KCNU1: variants seen among roughly 807,000 people sequenced by gnomAD.
The protein encoded by KCNU1 is potassium calcium-activated channel subfamily U member 1.
Under a neutral mutation model 126.8 loss-of-function variants are expected in KCNU1, and 93 were observed. The observed-to-expected ratio is 0.73, with a 90% CI of 0.62 to 0.87. The LOEUF is 0.87. Among genes scored for constraint, KCNU1 ranks in the 40% least tolerant of loss-of-function variants. The probability of loss-of-function intolerance (pLI) is 0.00; values close to 1 mark genes in which losing one functional copy is unlikely to be tolerated. For synonymous variants in KCNU1, 523 were observed against 494.2 expected, an observed-to-expected ratio of 1.06 and a Z score of -0.77; for missense variants, 1,330 against 1,367.1, an observed-to-expected ratio of 0.97 and a Z score of 0.43.
intron 19 of KCNU1, among the ~76,000 whole-genome samples, chr8:36,904,123 T>C (rs1412456743): frequency 2.6e-5 from 4 of 152,158 alleles, no homozygotes; most frequent in African/African-American, 9.7e-5. Flanking sequence ...TAATGTACCA[T>C]GGAACATGTG....
chr8:36,886,638 T>TG (rs1195366642), intron 19 of KCNU1, among the ~76,000 whole-genome samples: 1 of 152,100 alleles, frequency 6.6e-6, no homozygotes, highest in Non-Finnish European at 1.5e-5. Context: ...TACCTTGGGG[T>TG]GGAGACTTAA....
chr8:36,813,013 T>C (rs951597184), intron 7 of KCNU1, among the ~76,000 whole-genome samples: 2 of 152,212 alleles, frequency 1.3e-5, no homozygotes, highest in African/African-American at 4.8e-5. Flanking sequence ...AAGGGAACCG[T>C]GCCAGTAAAT....
chr8:36,899,568 T>C (rs1807335903), intron 19 of KCNU1, among the ~76,000 whole-genome samples: 1 of 152,064 alleles, frequency 6.6e-6, no homozygotes. Flanking sequence ...CTATTAAAGT[T>C]TATAATTTAA....
intron 2 of KCNU1, among the ~76,000 whole-genome samples, chr8:36,794,443 A>C (rs942021956): frequency 2.0e-5 from 3 of 152,194 alleles, no homozygotes; most frequent in Non-Finnish European, 2.9e-5. Context: ...ACACATACAC[A>C]TATGTATAAT....
chr8:36,935,895 C>T lies in KCNU1; in HGVS notation c.3425C>T (p.Pro1142Leu). Reference protein sequence around the residue: ...KTSDEVYDEDPFAYSEPL With the variant: ...KTSDEVYDEDLFAYSEPL The stretch of plus-strand genomic sequence containing the variant: ...TCAGATGAGGTTTATGATGAGGATC[C>T]CTTTGCATATTCAGAGCCACTATAG... The change falls in exon 27 of 27, where the codon CCC (proline) becomes CTC (leucine). Residue 1142 changes from proline (P) to leucine (L), a missense_variant. By Grantham distance (98) the Pro-to-Leu change is moderately conservative. Coordinates refer to ENST00000399881, the MANE Select transcript of KCNU1 (RefSeq NM_001031836.3). 1 of 1,601,156 alleles carries T rather than the reference C, an allele frequency of 6.2e-7. No individual in the cohort carries two copies. The highest frequency in any genetic ancestry group is 1.1e-5 in the South Asian group (1 of 88,754).
intron 13 of KCNU1, 59 bp from the exon 14 acceptor site, chr8:36,836,734 A>C: frequency 2.1e-4 from 296 of 1,443,110 alleles, no homozygotes; most frequent in Non-Finnish European, 2.6e-4. Flanking sequence ...TCCATCCTCA[A>C]GAGCTTTCTT....
intron 2 of KCNU1, among the ~76,000 whole-genome samples, chr8:36,801,491 G>C (rs185921077): frequency 1.3e-5 from 2 of 151,038 alleles, no homozygotes; most frequent in African/African-American, 4.9e-5. Flanking sequence ...GGTTGGGGGG[G>C]TTGTAAACGT....
At chr8:36,839,767 T>C (rs1450370222) in intron 14 of KCNU1, among the ~76,000 whole-genome samples, 1 of 152,242 alleles carries the variant, frequency 6.6e-6, no homozygotes, top group South Asian at 2.1e-4. Context: ...ATCAGAACAG[T>C]GTGGTGGTGA....
chr8:36,918,242 T>C (rs977188402), intron 22 of KCNU1, among the ~76,000 whole-genome samples: 20 of 151,940 alleles, frequency 1.3e-4, no homozygotes, highest in African/African-American at 3.6e-4. Context: ...TGAAGTGCCA[T>C]TGAGAAAGAA....
At chr8:36,923,065 A>T (rs1477936539) in intron 24 of KCNU1, 1 of 457,114 alleles carries the variant, frequency 2.2e-6, no homozygotes, top group Admixed American at 2.3e-5. Flanking sequence ...CTCAGAGCTA[A>T]GTCAAATCTC....
chr8:36,931,798 T>C (rs906287949), intron 25 of KCNU1, among the ~76,000 whole-genome samples: 22 of 152,194 alleles, frequency 1.4e-4, no homozygotes, highest in African/African-American at 5.3e-4. Flanking sequence ...CACTGGCCAG[T>C]GGAAAATGCT....
chr8:36,807,007 G>A lies in KCNU1; in HGVS notation c.581-368G>A, dbSNP rs574350434. Among the ~76,000 whole-genome samples the A allele has an allele frequency of 5.3e-5, 8 of 152,218 alleles. No homozygotes were observed. In the East Asian group the frequency reaches 7.7e-4, roughly 15 times the overall value. On this transcript the variant is annotated intron_variant, in intron 5 of 26. Coordinates refer to ENST00000399881, the MANE Select transcript of KCNU1 (RefSeq NM_001031836.3). The stretch of plus-strand genomic sequence containing the variant: ...GTAGTTAAGGGAAATTTTGCTCTCC[G>A]TTCTAAAGAAGAGTTAAATAGAGTA...
chr8:36,822,296 A>G (rs1397350854), intron 10 of KCNU1, among the ~76,000 whole-genome samples: 1 of 152,086 alleles, frequency 6.6e-6, no homozygotes, highest in Non-Finnish European at 1.5e-5. Context: ...AATAAGGCCT[A>G]TCCCACTGCC....
chr8:36,803,677 T>C (rs1803393055), intron 2 of KCNU1, among the ~76,000 whole-genome samples: 1 of 152,184 alleles, frequency 6.6e-6, no homozygotes, highest in Non-Finnish European at 1.5e-5. Flanking sequence ...ACTTAATAGA[T>C]GTTTGATGAG....
At chr8:36,794,702 C>A (rs1030874755) in intron 2 of KCNU1, among the ~76,000 whole-genome samples, 1 of 152,048 alleles carries the variant, frequency 6.6e-6, no homozygotes, top group African/African-American at 2.4e-5. Flanking sequence ...GCAGTAGAAT[C>A]ACTTGAGTCC....
intron 19 of KCNU1, among the ~76,000 whole-genome samples, chr8:36,898,599 T>C (rs1451019331): frequency 6.6e-6 from 1 of 152,102 alleles, no homozygotes; most frequent in Non-Finnish European, 1.5e-5. Flanking sequence ...TAGTCTTGTG[T>C]CTGAAATTTG....
At chr8:36,856,419 A>T (rs1022444451) in intron 18 of KCNU1, among the ~76,000 whole-genome samples, 1 of 152,128 alleles carries the variant, frequency 6.6e-6, no homozygotes, top group African/African-American at 2.4e-5. Context: ...AGCTCTGAAA[A>T]CCAAGGCTTG....
chr8:36,806,687 T>TG (rs1052561912), intron 5 of KCNU1, among the ~76,000 whole-genome samples: 2 of 152,158 alleles, frequency 1.3e-5, no homozygotes, highest in African/African-American at 4.8e-5. Flanking sequence ...CCACAGGAGC[T>TG]GGGGGAGATG....
intron 19 of KCNU1, among the ~76,000 whole-genome samples, chr8:36,880,911 C>A (rs1806451788): frequency 6.6e-6 from 1 of 152,110 alleles, no homozygotes; most frequent in Non-Finnish European, 1.5e-5. Flanking sequence ...ACTAATACTG[C>A]AAACATCCTG....
Sources: allele counts gnomAD v4.1 joint callset (sites outside exome capture counted in the v4.1 genomes callset), GRCh38; gene constraint gnomAD v4.1.1; transcripts MANE v1.5; gene names NCBI Gene and HGNC (gene_info 2026-07-23, HGNC 2026-07-21).